Variants in ZNF366 observed in about 807,000 individuals in gnomAD.
ZNF366 encodes zinc finger protein 366.
A neutral mutation model predicts 47.2 loss-of-function variants in ZNF366; 20 were observed. The observed-to-expected ratio is 0.42, with a 90% CI of 0.30 to 0.62. The LOEUF (loss-of-function observed/expected upper bound fraction) is 0.62. ZNF366 is among the 20% of genes least tolerant of loss of function. The pLI is 0.16. For synonymous variants in ZNF366, 421 were observed against 395.1 expected, an observed-to-expected ratio of 1.07 and a Z score of -0.78; for missense variants, 987 against 976.3, an observed-to-expected ratio of 1.01 and a Z score of -0.15.
At chr5:72,497,795 C>T (rs186030956) in intron 1 of ZNF366, among the ~76,000 whole-genome samples, 6 of 152,014 alleles carry the variant, frequency 3.9e-5, no homozygotes, top group African/African-American at 1.2e-4. Context: ...TCATCTTTGC[C>T]GATCAAGTAA....
chr5:72,480,245 A>G (rs1292039170), intron 1 of ZNF366, among the ~76,000 whole-genome samples: 1 of 152,384 alleles, frequency 6.6e-6, no homozygotes, highest in South Asian at 2.1e-4. Context: ...GGGAAAGCCA[A>G]TTAAGACACT....
intron 1 of ZNF366, among the ~76,000 whole-genome samples, chr5:72,467,421 C>A (rs1402978308): frequency 2.6e-5 from 4 of 152,154 alleles, no homozygotes; most frequent in African/African-American, 9.7e-5. Context: ...GAGAGAAATC[C>A]AAGGCCTGAC....
intron 1 of ZNF366, 118 bp from the exon 2 acceptor site, chr5:72,461,628 T>C: frequency 3.8e-6 from 5 of 1,321,266 alleles, no homozygotes; most frequent in Non-Finnish European, 3.1e-6. Flanking sequence ...TTGCTTAATA[T>C]GGACCCTCAT....
Position 72,460,247 on chromosome 5 carries a change from T to C in ZNF366, c.1250A>G (p.Asp417Gly), listed in dbSNP as rs774198177. Residue 417 changes from aspartate to glycine, a missense_variant, in exon 2 of 5, where the codon GAC (aspartate) becomes GGC (glycine). Physicochemically the swap from Asp to Gly is moderately conservative, Grantham distance 94 (BLOSUM62 -1). Coordinates refer to ENST00000318442, the MANE Select transcript of ZNF366 (RefSeq NM_152625.3). ...QLQNHMMKHK[D>G]IRPYICSECG... ...CTCTGAGCAGATGTAGGGCCGGATG[T>C]CCTTGTGCTTCATCATGTGGTTCTG... is the stretch of plus-strand genomic sequence containing the variant. 3.1e-6 allele frequency: 5 copies of C among 1,614,198 alleles called. No homozygotes were observed. In the South Asian group the frequency reaches 5.5e-5, roughly 18 times the overall value.
At chr5:72,447,448 A>G in intron 3 of ZNF366, 31 bp from the exon 4 acceptor site, 10 of 1,611,264 alleles carry the variant, frequency 6.2e-6, no homozygotes, top group Non-Finnish European at 8.5e-6. Flanking sequence ...AACACAGGTT[A>G]CTCTGCCCGA....
intron 1 of ZNF366, among the ~76,000 whole-genome samples, chr5:72,506,264 A>G (rs1744316356): frequency 6.6e-6 from 1 of 152,244 alleles, no homozygotes; most frequent in Non-Finnish European, 1.5e-5. Flanking sequence ...ATTGGGAAAC[A>G]TAACGAGTCT....
Position 72,444,201 on chromosome 5 carries a change from C to A in ZNF366, c.1790G>T (p.Arg597Leu). The A allele has an allele frequency of 1.2e-6, 2 of 1,613,454 alleles. No individual in the cohort carries two copies. Among genetic ancestry groups the A allele is most frequent in the Non-Finnish European group, 1.7e-6 (2 of 1,180,036 alleles). ...CTGGAACACCGGCACCTTGGCCCGG[C>A]GCTTCTGAGAGAGGTCAAAGGGCTC... The part of the protein sequence containing the change: ...QEEPFDLSQK[R>L]RAKVPVFQSD... Residue 597 changes from arginine (R) to leucine (L), a missense_variant, in exon 5 of 5, where the codon CGC (arginine) becomes CTC (leucine). Arg to Leu is a moderately radical substitution (Grantham distance 102). Transcript: ENST00000318442.
At chr5:72,473,899 G>A (rs1743618432) in intron 1 of ZNF366, among the ~76,000 whole-genome samples, 1 of 152,156 alleles carries the variant, frequency 6.6e-6, no homozygotes, top group Non-Finnish European at 1.5e-5. Flanking sequence ...GATATCCCTT[G>A]CTTGGTTGTG....
chr5:72,503,530 T>TACACACACAC (rs34375286), intron 1 of ZNF366, among the ~76,000 whole-genome samples: 99 of 148,832 alleles, frequency 6.7e-4, no homozygotes, highest in African/African-American at 2.3e-3. Context: ...TGAATTCTAA[T>TACACACACAC]ACACACACAC....
chr5:72,462,388 G>A lies in ZNF366; in HGVS notation c.-14-878C>T, dbSNP rs186145036. Among the ~76,000 whole-genome samples, 870 of 152,262 alleles carry A rather than the reference G, an allele frequency of 5.7e-3. 8 individuals are homozygous for A. Among genetic ancestry groups the A allele is most frequent in the Middle Eastern group, 0.02 (6 of 294 alleles). On this transcript the variant is annotated intron_variant, in intron 1 of 4. Coordinates refer to ENST00000318442, the MANE Select transcript of ZNF366 (RefSeq NM_152625.3). The stretch of plus-strand genomic sequence containing the variant: ...AGGCTTGGTGACTCCTGTGGTGCCT[G>A]ACATGTCCCCTGCTGACACAGCCAG...
At position 72,443,688 on chromosome 5, in the gene ZNF366, T is replaced by C; in HGVS notation, c.*68A>G. 1 of 1,495,360 alleles carries C rather than the reference T, an allele frequency of 6.7e-7. No homozygotes were observed. The highest frequency in any genetic ancestry group is 9.0e-7 in the Non-Finnish European group (1 of 1,108,864). The allele number at this position is 1,495,360 out of a possible 1,614,324, so 92.6% of individuals were successfully genotyped here. ...TTCGCCAGTCTCCAGAAAATGACAG[T>C]TCATGCAGAAAGCTATATTTGAACT... is the stretch of plus-strand genomic sequence containing the variant. On this transcript the variant is annotated 3_prime_UTR_variant, in exon 5 of 5. Coordinates refer to ENST00000318442, the MANE Select transcript of ZNF366 (RefSeq NM_152625.3).
intron 1 of ZNF366, among the ~76,000 whole-genome samples, chr5:72,500,824 T>G (rs1042936930): frequency 6.6e-6 from 1 of 152,230 alleles, no homozygotes; most frequent in African/African-American, 2.4e-5. Flanking sequence ...TGATCTGCAG[T>G]GGAGCTGGGA....
At chr5:72,455,161 G>C (rs1370232692) in intron 3 of ZNF366, among the ~76,000 whole-genome samples, 1 of 152,148 alleles carries the variant, frequency 6.6e-6, no homozygotes, top group East Asian at 1.9e-4. Flanking sequence ...GCAGGAAAAG[G>C]GCTGGAGGGA....
intron 1 of ZNF366, among the ~76,000 whole-genome samples, chr5:72,506,403 T>C (rs10065294): frequency 0.012 from 1,889 of 152,316 alleles, 13 homozygotes; most frequent in Non-Finnish European, 0.019. Flanking sequence ...TTTTAAAAAC[T>C]AGTTGTGTAT....
intron 1 of ZNF366, among the ~76,000 whole-genome samples, chr5:72,492,470 T>C (rs1744032016): frequency 6.6e-6 from 1 of 152,118 alleles, no homozygotes; most frequent in African/African-American, 2.4e-5. Context: ...TGTTAAACAA[T>C]AAACAAACAA....
intron 4 of ZNF366, among the ~76,000 whole-genome samples, chr5:72,444,889 T>C (rs6888856): frequency 0.81 from 123,117 of 152,206 alleles, 50,370 homozygotes; most frequent in East Asian, 0.96. Context: ...CTTAAATTAA[T>C]GAACACTCTC....
At chr5:72,493,283 A>G (rs1744049402) in intron 1 of ZNF366, among the ~76,000 whole-genome samples, 1 of 152,248 alleles carries the variant, frequency 6.6e-6, no homozygotes, top group African/African-American at 2.4e-5. Flanking sequence ...CATCATAGGC[A>G]TTAACTCATG....
chr5:72,456,743 G>A lies in ZNF366; in HGVS notation c.1333-148C>T, dbSNP rs1743194500. 3 of 753,098 alleles carry A rather than the reference G, an allele frequency of 4.0e-6. No individual in the cohort carries two copies. The East Asian group carries it at 8.5e-5, about 21-fold the overall frequency. The allele number at this position is 753,098 out of a possible 1,614,324, so 46.7% of individuals were successfully genotyped here. On this transcript the variant is annotated intron_variant, in intron 2 of 4. Coordinates refer to ENST00000318442, the MANE Select transcript of ZNF366 (RefSeq NM_152625.3). ...TTTCAAATGGTGTAGCTTCAGCCTTGTTAAATTACTATTTTCTTGAAAAGT... is the reference window on the plus strand; with the variant it reads ...TTTCAAATGGTGTAGCTTCAGCCTTATTAAATTACTATTTTCTTGAAAAGT...
chr5:72,493,425 T>C (rs1744052480), intron 1 of ZNF366, among the ~76,000 whole-genome samples: 1 of 152,214 alleles, frequency 6.6e-6, no homozygotes, highest in Non-Finnish European at 1.5e-5. Flanking sequence ...TTAGAAGTTT[T>C]TTGGGAGATA....
Sources: gnomAD v4.1 joint callset for allele counts (sites outside exome capture counted in the v4.1 genomes callset) on GRCh38, gnomAD v4.1.1 for gene constraint, MANE v1.5 for transcripts, NCBI Gene and HGNC (gene_info 2026-07-23, HGNC 2026-07-21) for gene names.